The following ARHGAP19 variants were observed in gnomAD, a reference collection of about 807,000 sequenced individuals.
ARHGAP19 encodes the protein Rho GTPase activating protein 19.
A neutral mutation model predicts 60.9 loss-of-function variants in ARHGAP19; 48 were observed. The observed-to-expected ratio is 0.79, with a 90% CI of 0.62 to 1.00. The LOEUF (loss-of-function observed/expected upper bound fraction) is 1.00. Ranked by LOEUF, ARHGAP19 falls within the 50% of genes least tolerant of loss-of-function variation. The probability of loss-of-function intolerance (pLI) is 0.00; values close to 1 mark genes in which losing one functional copy is unlikely to be tolerated. For missense variants in ARHGAP19, 562 were observed against 597.2 expected (o/e 0.94, Z 0.61); for synonymous variants, 209 against 215.5 (o/e 0.97, Z 0.27).
chr10:97,271,542 C>G (rs181116296), intron 1 of ARHGAP19, among the ~76,000 whole-genome samples: 158 of 152,058 alleles, frequency 1.0e-3, no homozygotes, highest in African/African-American at 3.6e-3. Flanking sequence ...AGGAGGGGAC[C>G]TAATGACTAA....
At chr10:97,239,826 G>T (rs1457206430) in intron 8 of ARHGAP19, among the ~76,000 whole-genome samples, 1 of 151,654 alleles carries the variant, frequency 6.6e-6, no homozygotes, top group African/African-American at 2.4e-5. Flanking sequence ...TCCTGCCTCA[G>T]CCTCCCGAGT....
At chr10:97,242,033 A>G (rs1216009524) in intron 8 of ARHGAP19, among the ~76,000 whole-genome samples, 1 of 148,784 alleles carries the variant, frequency 6.7e-6, no homozygotes, top group African/African-American at 2.4e-5. Context: ...AATAATAATA[A>G]TAATAATTAA....
intron 1 of ARHGAP19, among the ~76,000 whole-genome samples, chr10:97,289,080 G>C (rs1478292904): frequency 2.0e-5 from 3 of 148,214 alleles, no homozygotes; most frequent in Non-Finnish European, 4.5e-5. Context: ...GCCTCCCAAG[G>C]TGCTGGGATC....
intron 1 of ARHGAP19, among the ~76,000 whole-genome samples, chr10:97,292,112 CG>C (rs1843242973): frequency 6.6e-6 from 1 of 152,016 alleles, no homozygotes; most frequent in Admixed American, 6.6e-5. Flanking sequence ...AAACTGAAGT[CG>C]AGAGAGGTTT....
intron 3 of ARHGAP19, among the ~76,000 whole-genome samples, chr10:97,264,452 CAAAA>C (rs11327785): frequency 2.2e-5 from 3 of 138,302 alleles, no homozygotes; most frequent in Non-Finnish European, 3.1e-5. Flanking sequence ...GACCTTGTCT[CAAAA>C]AAAAAAAAAA....
At chr10:97,243,834 G>A (rs1309236310) in intron 8 of ARHGAP19, 134 bp downstream of exon 8, 55 of 793,066 alleles carry the variant, frequency 6.9e-5, no homozygotes, top group Non-Finnish European at 3.9e-6. Flanking sequence ...AGATCACTGT[G>A]GAGATTCCAT....
At position 97,223,578 on chromosome 10, in the gene ARHGAP19, A is replaced by G. The variant is rs1564707213; in HGVS notation, c.*2544T>C. 1 of 152,224 alleles carries G rather than the reference A, an allele frequency of 6.6e-6. No homozygotes were observed. The highest frequency in any genetic ancestry group is 1.5e-5 in the Non-Finnish European group (1 of 68,050). 9.4% of individuals were successfully genotyped at this position (152,224 alleles called of 1,614,324 possible). On this transcript the variant is annotated 3_prime_UTR_variant, in exon 12 of 12. Coordinates refer to ENST00000358531, the MANE Select transcript of ARHGAP19 (RefSeq NM_032900.6). ...CACAGGTGACCCCAGAAAGAAATGA[A>G]GTTGTAAAAGCCACAAGAAGAGGCA...
chr10:97,282,471 TAG>T (rs1201055760), intron 1 of ARHGAP19, among the ~76,000 whole-genome samples: 3 of 152,382 alleles, frequency 2.0e-5, no homozygotes, highest in Admixed American at 6.5e-5. Flanking sequence ...AGCCAATTAA[TAG>T]AGTCTCTTTT....
At chr10:97,231,033 C>CACA (rs745633116) in intron 9 of ARHGAP19, among the ~76,000 whole-genome samples, 120,941 of 133,224 alleles carry the variant, frequency 0.91, 55,306 homozygotes, top group Non-Finnish European at 0.97. Flanking sequence ...CTCCAGCCTG[C>CACA]ACACCTAGTG....
In ARHGAP19 at chr10:97,246,751, A is replaced by G. The variant is rs866122600; in HGVS notation, c.928-414T>C. 7.2e-5 allele frequency among the ~76,000 whole-genome samples: 11 copies of G among 152,302 alleles called. No individual in the cohort carries two copies. The Middle Eastern group carries it at 0.01, about 141-fold the overall frequency. On this transcript the variant is annotated intron_variant, in intron 6 of 11. Coordinates refer to ENST00000358531, the MANE Select transcript of ARHGAP19 (RefSeq NM_032900.6). Reference sequence around the variant, plus strand: ...AATATCATTTAATGTCTGTAATCTCAGCACTTTGGGAGGCAGAAGCAGGAG... The same window carrying G: ...AATATCATTTAATGTCTGTAATCTCGGCACTTTGGGAGGCAGAAGCAGGAG...
intron 6 of ARHGAP19, among the ~76,000 whole-genome samples, chr10:97,248,330 A>G (rs1160255391): frequency 6.6e-6 from 1 of 151,994 alleles, no homozygotes; most frequent in African/African-American, 2.4e-5. Flanking sequence ...GGGAGGATCG[A>G]CTGGTCCCAG....
At chr10:97,286,948 T>G (rs919202051) in intron 1 of ARHGAP19, among the ~76,000 whole-genome samples, 1 of 151,976 alleles carries the variant, frequency 6.6e-6, no homozygotes, top group Non-Finnish European at 1.5e-5. Context: ...TTTTTTTGTT[T>G]TTGTTGTTGT....
At chr10:97,237,850 G>A (rs924487770) in intron 8 of ARHGAP19, among the ~76,000 whole-genome samples, 5 of 151,438 alleles carry the variant, frequency 3.3e-5, no homozygotes, top group African/African-American at 7.3e-5. Context: ...CAGCCTGGGC[G>A]AAAGAGCGAG....
chr10:97,256,235 G>C (rs946648924), intron 6 of ARHGAP19, 83 bp downstream of exon 6: 2 of 1,125,268 alleles, frequency 1.8e-6, no homozygotes, highest in Non-Finnish European at 2.7e-6. Context: ...TTCTCGTTTA[G>C]TTATCTTTAT....
intron 1 of ARHGAP19, among the ~76,000 whole-genome samples, chr10:97,290,609 C>T (rs1244689760): frequency 6.6e-6 from 1 of 152,132 alleles, no homozygotes; most frequent in Non-Finnish European, 1.5e-5. Context: ...TGGCCACCAT[C>T]TTGGGAGCTC....
intron 1 of ARHGAP19, among the ~76,000 whole-genome samples, chr10:97,273,261 C>A (rs1842982695): frequency 6.6e-6 from 1 of 152,122 alleles, no homozygotes; most frequent in Non-Finnish European, 1.5e-5. Context: ...CTCCCAGATT[C>A]AAGCAATTCT....
chr10:97,230,513 G>A (rs1850987659), intron 9 of ARHGAP19, among the ~76,000 whole-genome samples: 1 of 152,096 alleles, frequency 6.6e-6, no homozygotes, highest in Non-Finnish European at 1.5e-5. Context: ...TTAGGTAACC[G>A]CCAACAGTGA....
intron 1 of ARHGAP19, among the ~76,000 whole-genome samples, chr10:97,285,757 T>C (rs1246229859): frequency 6.6e-6 from 1 of 152,156 alleles, no homozygotes; most frequent in Non-Finnish European, 1.5e-5. Flanking sequence ...TGACCTCAAG[T>C]GATCTGCCCG....
intron 6 of ARHGAP19, among the ~76,000 whole-genome samples, chr10:97,247,394 G>A (rs1842578192): frequency 1.3e-5 from 2 of 152,142 alleles, no homozygotes; most frequent in Non-Finnish European, 2.9e-5. Flanking sequence ...TAGTAGATGT[G>A]CAAAATAATA....
Sources: allele counts gnomAD v4.1 joint callset (sites outside exome capture counted in the v4.1 genomes callset), GRCh38; gene constraint gnomAD v4.1.1; transcripts MANE v1.5; gene names NCBI Gene and HGNC (gene_info 2026-07-23, HGNC 2026-07-21).